Variants in SUSD4 observed in about 807,000 individuals in gnomAD.
SUSD4 encodes the protein sushi domain-containing protein 4.
Under a neutral mutation model 50.5 loss-of-function variants are expected in SUSD4, and 41 were observed. That is an observed-to-expected ratio of 0.81 (90% CI 0.63 to 1.05). The LOEUF is 1.05. Among genes scored for constraint, SUSD4 ranks in the 50% least tolerant of loss-of-function variants. SUSD4 has a pLI of 0.00. For synonymous variants in SUSD4, 257 were observed against 257.3 expected (o/e 1.00, Z 0.01); for missense variants, 580 against 634.7 (o/e 0.91, Z 0.93).
At chr1:223,246,639 G>C (rs1310796992) in intron 5 of SUSD4, among the ~76,000 whole-genome samples, 15 of 152,114 alleles carry the variant, frequency 9.9e-5, no homozygotes, top group Non-Finnish European at 1.5e-5. Context: ...GGAGGGGCTG[G>C]AGGGAAGCAT....
intron 5 of SUSD4, among the ~76,000 whole-genome samples, chr1:223,258,640 C>T (rs889817402): frequency 6.6e-6 from 1 of 152,134 alleles, no homozygotes; most frequent in South Asian, 2.1e-4. Context: ...AAATGGCAGC[C>T]ACGAGGCTGA....
intron 2 of SUSD4, among the ~76,000 whole-genome samples, chr1:223,340,771 C>A (rs1667711611): frequency 6.6e-6 from 1 of 152,180 alleles, no homozygotes; most frequent in Non-Finnish European, 1.5e-5. Flanking sequence ...CACATGCAAA[C>A]AGGCCCTCAC....
In SUSD4 at chr1:223,223,587, A is replaced by G; in HGVS notation, c.1106T>C (p.Val369Ala). 1 of 1,612,774 alleles carries G rather than the reference A, an allele frequency of 6.2e-7. No individual in the cohort carries two copies. Among genetic ancestry groups the G allele is most frequent in the South Asian group, 1.1e-5 (1 of 90,956 alleles). The change falls in exon 8 of 9, where the codon GTA becomes GCA. Residue 369 changes from valine to alanine, a missense_variant. Physicochemically the swap from Val to Ala is moderately conservative, Grantham distance 64. Coordinates refer to ENST00000366878, the MANE Select transcript of SUSD4 (RefSeq NM_017982.4). ...SSSSDPDFVV[V>A]DGVPVMLPSY... is the part of the protein sequence containing the mutation. Reference sequence around the variant, plus strand: ...CGGGAGCATGACGGGCACGCCGTCTACCACCACAAAGTCAGGGTCACTGCT... The same window carrying G: ...CGGGAGCATGACGGGCACGCCGTCTGCCACCACAAAGTCAGGGTCACTGCT...
chr1:223,235,281 G>A (rs537850885), intron 5 of SUSD4, among the ~76,000 whole-genome samples: 96 of 152,182 alleles, frequency 6.3e-4, no homozygotes, highest in African/African-American at 2.0e-3. Context: ...CTGCTCCCAC[G>A]CATGCACAGC....
At chr1:223,225,256 G>A (rs780630696) in intron 7 of SUSD4, among the ~76,000 whole-genome samples, 3 of 152,148 alleles carry the variant, frequency 2.0e-5, no homozygotes, top group Non-Finnish European at 4.4e-5. Context: ...AGACCCAGCT[G>A]GGTGGGCAGA....
chr1:223,272,452 C>G (rs565307211), intron 3 of SUSD4, among the ~76,000 whole-genome samples: 70 of 152,222 alleles, frequency 4.6e-4, no homozygotes, highest in Non-Finnish European at 7.8e-4. Flanking sequence ...CATATTTATA[C>G]CCAAGTACAA....
chr1:223,308,409 C>A (rs1017045837), intron 2 of SUSD4, among the ~76,000 whole-genome samples: 2 of 152,134 alleles, frequency 1.3e-5, no homozygotes, highest in Admixed American at 6.5e-5. Flanking sequence ...TGTAAGGTCC[C>A]TGACGCCTCC....
intron 3 of SUSD4, among the ~76,000 whole-genome samples, chr1:223,285,653 T>C (rs1571974837): frequency 6.6e-6 from 1 of 152,132 alleles, no homozygotes; most frequent in African/African-American, 2.4e-5. Context: ...TGAAATACTA[T>C]GCAGCCATAA....
intron 3 of SUSD4, among the ~76,000 whole-genome samples, chr1:223,284,490 A>C (rs548494690): frequency 6.6e-6 from 1 of 152,212 alleles, no homozygotes; most frequent in Non-Finnish European, 1.5e-5. Context: ...TCTGTAAAAT[A>C]AGGCTGTAGA....
intron 2 of SUSD4, among the ~76,000 whole-genome samples, chr1:223,323,723 A>G (rs111472749): frequency 2.0e-4 from 30 of 152,312 alleles, no homozygotes; most frequent in African/African-American, 6.7e-4. Context: ...CCTGAATGCC[A>G]GCAGGATGCA....
chr1:223,298,050 A>G (rs943583735), intron 2 of SUSD4, among the ~76,000 whole-genome samples: 6 of 152,012 alleles, frequency 3.9e-5, no homozygotes, highest in African/African-American at 1.2e-4. Context: ...GAATGGGTGG[A>G]TGGATGGATG....
At chr1:223,260,548 C>A (rs1662038437) in intron 5 of SUSD4, among the ~76,000 whole-genome samples, 4 of 152,180 alleles carry the variant, frequency 2.6e-5, no homozygotes, top group Admixed American at 1.3e-4. Flanking sequence ...GCAGACAAGG[C>A]AAAGCACACA....
chr1:223,349,049 C>G (rs2103322399), intron 2 of SUSD4, among the ~76,000 whole-genome samples: 1 of 152,176 alleles, frequency 6.6e-6, no homozygotes, highest in Admixed American at 6.5e-5. Context: ...TGCTGTCTGC[C>G]AGGAGGCATG....
At chr1:223,286,806 C>T (rs1482108341) in intron 3 of SUSD4, among the ~76,000 whole-genome samples, 1 of 152,226 alleles carries the variant, frequency 6.6e-6, no homozygotes, top group African/African-American at 2.4e-5. Context: ...GTCATTTGTG[C>T]CTACATCTCC....
In SUSD4 at chr1:223,223,563, G is replaced by T; in HGVS notation, c.1130C>A (p.Pro377Gln). The T allele has an allele frequency of 1.2e-6, 2 of 1,613,370 alleles. No homozygotes were observed. The highest frequency in any genetic ancestry group is 4.5e-5 in the East Asian group (2 of 44,832). ...GCCACTCACAGCTTCGTCATAGGAC[G>T]GGAGCATGACGGGCACGCCGTCTAC... ...VVVDGVPVML[P>Q]SYDEAVSGGL... The change falls in exon 8 of 9, where the codon CCG (proline) becomes CAG (glutamine). Residue 377 changes from proline (P) to glutamine (Q), a missense_variant. By Grantham distance (76) the Pro-to-Gln change is moderately conservative. Transcript: ENST00000366878.
chr1:223,268,032 TATATATATATACACAC>T (rs1330491077), intron 4 of SUSD4, among the ~76,000 whole-genome samples: 4 of 90,758 alleles, frequency 4.4e-5, no homozygotes, highest in Admixed American at 2.1e-4. Context: ...TATATATATA[TATATATATATACACAC>T]ACACTGTTAA....
At chr1:223,325,759 A>AT (rs941415443) in intron 2 of SUSD4, among the ~76,000 whole-genome samples, 9 of 152,182 alleles carry the variant, frequency 5.9e-5, no homozygotes, top group Non-Finnish European at 8.8e-5. Context: ...CAAGAACTCA[A>AT]TTTTTTTTAC....
chr1:223,245,600 T>C (rs1466104088), intron 5 of SUSD4, among the ~76,000 whole-genome samples: 2 of 152,240 alleles, frequency 1.3e-5, no homozygotes, highest in East Asian at 3.9e-4. Context: ...GATTTTATCA[T>C]AGTGTGAAGG....
At chr1:223,297,470 C>G (rs747371841) in intron 2 of SUSD4, among the ~76,000 whole-genome samples, 8 of 152,112 alleles carry the variant, frequency 5.3e-5, no homozygotes, top group African/African-American at 9.7e-5. Flanking sequence ...GTTGTCCCCA[C>G]CTGAATGTGG....
Sources: allele counts gnomAD v4.1 joint callset (sites outside exome capture counted in the v4.1 genomes callset), GRCh38; gene constraint gnomAD v4.1.1; transcripts MANE v1.5; gene names NCBI Gene and HGNC (gene_info 2026-07-23, HGNC 2026-07-21).